Variants in ANKLE1 observed in about 807,000 individuals in gnomAD.
ANKLE1 encodes ankyrin repeat and LEM domain containing 1.
ANKLE1 carries 59 observed loss-of-function variants against 56.2 expected under a neutral mutation model. That is an observed-to-expected ratio of 1.05 (90% CI 0.85 to 1.30). The LOEUF (loss-of-function observed/expected upper bound fraction) is 1.30, where lower values mean the gene tolerates loss of function less well. Among genes scored for constraint, ANKLE1 ranks in the 50% most tolerant of loss-of-function variants. The pLI is 0.00. For missense variants in ANKLE1, 771 were observed against 816.1 expected (o/e 0.94, Z 0.67); for synonymous variants, 341 against 352.9 (o/e 0.97, Z 0.38).
rs1253559311 is a variant in ANKLE1, at chr19:17,282,745, C to T, written c.305C>T (p.Pro102Leu). Reference sequence around the variant, plus strand: ...CTGCTGCTGAGCCAAGGAGCGGACCCGGCGCTGCGCGACCAGGTTGGGAGG... The same window carrying T: ...CTGCTGCTGAGCCAAGGAGCGGACCTGGCGCTGCGCGACCAGGTTGGGAGG... ...LELLLSQGADPALRDQDGLRP... is the reference protein window; with the variant it reads ...LELLLSQGADLALRDQDGLRP... Residue 102 changes from proline to leucine, a missense_variant, in exon 3 of 9, where the codon CCG (proline) becomes CTG (leucine). Transcript: ENST00000404085. The T allele has an allele frequency of 3.9e-6, 6 of 1,543,874 alleles. No individual in the cohort carries two copies. Among genetic ancestry groups the T allele is most frequent in the Admixed American group, 1.9e-5 (1 of 51,436 alleles).
At chr19:17,282,327 T>G in intron 2 of ANKLE1, 118 bp downstream of exon 2, 1 of 1,341,576 alleles carries the variant, frequency 7.5e-7, no homozygotes, top group Non-Finnish European at 9.9e-7. Flanking sequence ...GTTTAGGGGA[T>G]CTTGGGGAGG....
intron 6 of ANKLE1, 81 bp from the exon 7 acceptor site, chr19:17,285,350 A>C: frequency 1.3e-6 from 2 of 1,550,314 alleles, no homozygotes; most frequent in African/African-American, 1.4e-5. Context: ...ACATGGGTTC[A>C]AGATATGTTG....
In ANKLE1 at chr19:17,283,800, G is replaced by C. The variant is rs1406763794; in HGVS notation, c.1036G>C (p.Gly346Arg). Residue 346 changes from glycine to arginine, a missense_variant, in exon 5 of 9, where the codon GGC becomes CGC. Physicochemically the swap from Gly to Arg is moderately radical, Grantham distance 125. Coordinates refer to ENST00000404085, the MANE Select transcript of ANKLE1 (RefSeq NM_152363.6). ...LTEDEASSTG[G>R]REPVGPCRHL... is the part of the protein sequence containing the mutation. Reference sequence around the variant, plus strand: ...AGAGGATGAGGCAAGCTCTACAGGTGGCAGGGAACCTGTCGGCCCTTGCCG... The same window carrying C: ...AGAGGATGAGGCAAGCTCTACAGGTCGCAGGGAACCTGTCGGCCCTTGCCG... 1 of 1,613,410 alleles carries C rather than the reference G, an allele frequency of 6.2e-7. No individual in the cohort carries two copies. The highest frequency in any genetic ancestry group is 8.5e-7 in the Non-Finnish European group (1 of 1,179,906).
chr19:17,286,462 G>A lies in ANKLE1; in HGVS notation c.1758G>A (p.Leu586=). 1 of 1,612,480 alleles carries A rather than the reference G, an allele frequency of 6.2e-7. No individual in the cohort carries two copies. The highest frequency in any genetic ancestry group is 8.5e-7 in the Non-Finnish European group (1 of 1,179,618). Reference sequence around the variant, plus strand: ...GGCCACCTGCTCGTCGCCGGCGCTTGGGGGTGCACCTGCTGCACCGTGCCC... The same window carrying A: ...GGCCACCTGCTCGTCGCCGGCGCTTAGGGGTGCACCTGCTGCACCGTGCCC... ...AGWPPARRRR[L]GVHLLHRALL... The change falls in exon 9 of 9, where the codon TTG becomes TTA. Residue 586 remains leucine (L), a synonymous_variant. Transcript: ENST00000404085.
rs1008823679 is a variant in ANKLE1 at position 17,286,868 on chromosome 19, G to C, written c.*316G>C. The C allele has an allele frequency of 4.4e-6, 5 of 1,127,362 alleles. No homozygotes were observed. The highest frequency in any genetic ancestry group is 4.4e-6 in the Non-Finnish European group (4 of 905,930). 69.8% of individuals were successfully genotyped at this position (1,127,362 alleles called of 1,614,324 possible). A position where few individuals can be genotyped will look rare whatever the true frequency, so the allele number is the denominator to read the frequency against. On this transcript the variant is annotated 3_prime_UTR_variant, in exon 9 of 9. Transcript: ENST00000404085. ...GGAACAGTCCGGTGCTTCTGTAAGAGGCGTTTGAACCTGGGCAACTCCACC... is the reference window on the plus strand; with the variant it reads ...GGAACAGTCCGGTGCTTCTGTAAGACGCGTTTGAACCTGGGCAACTCCACC...
chr19:17,286,062 G>A (rs1316282269), intron 8 of ANKLE1, among the ~76,000 whole-genome samples: 1 of 152,142 alleles, frequency 6.6e-6, no homozygotes, highest in Non-Finnish European at 1.5e-5. Context: ...AGGCTGGAGT[G>A]TGGTGGCGTG....
At chr19:17,284,557 T>C (rs1016429497) in intron 6 of ANKLE1, among the ~76,000 whole-genome samples, 12 of 152,034 alleles carry the variant, frequency 7.9e-5, no homozygotes, top group African/African-American at 2.9e-4. Flanking sequence ...CTAATTTTTG[T>C]ATTTTTAGTA....
rs1339599239 is a variant in ANKLE1 at position 17,283,842 on chromosome 19, A to G, written c.1078A>G (p.Thr360Ala). The G allele has an allele frequency of 1.2e-6, 2 of 1,613,690 alleles. No homozygotes were observed. Among genetic ancestry groups the G allele is most frequent in the South Asian group, 2.2e-5 (2 of 91,078 alleles). The change falls in exon 5 of 9, where the codon ACT becomes GCT. Residue 360 changes from threonine to alanine, a missense_variant. Thr to Ala is a moderately conservative substitution (Grantham distance 58). Transcript: ENST00000404085. ...CCCTTGCCGGCACCTGCCAGTCTCC[A>G]CTGTGTCTGACTTGGAGTTGCTGAA... ...VGPCRHLPVS[T>A]VSDLELLKGL...
rs2074037172 is a variant in ANKLE1 at position 17,286,672 on chromosome 19, G to GTGTGTT, written c.*125_*126insTTGTGT. The GTGTGTT allele has an allele frequency of 2.4e-6, 3 of 1,229,364 alleles. No homozygotes were observed. The highest frequency in any genetic ancestry group is 2.2e-6 in the Non-Finnish European group (2 of 920,088). The allele number at this position is 1,229,364 out of a possible 1,614,324, so 76.2% of individuals were successfully genotyped here. ...GGTGTGTGTGTGTGTGTGTGTGTGTGTGTGTGTGTGTGTGTGTGTTTGTGT... is the reference window on the plus strand; with the variant it reads ...GGTGTGTGTGTGTGTGTGTGTGTGTGTGTGTTTGTGTGTGTGTGTGTGTGTTTGTGT... On this transcript the variant is annotated 3_prime_UTR_variant, in exon 9 of 9. Transcript: ENST00000404085.
rs758109052 is a variant in ANKLE1 at position 17,286,688 on chromosome 19, GTGTT to G, written c.*140_*143del. On this transcript the variant is annotated 3_prime_UTR_variant, in exon 9 of 9. Coordinates refer to ENST00000404085, the MANE Select transcript of ANKLE1 (RefSeq NM_152363.6). ...TGTGTGTGTGTGTGTGTGTGTGTGT[GTGTT>G]TGTGTGTGTGTGTGTGTGTGTAGGG... is the stretch of plus-strand genomic sequence containing the variant. 156,281 of 902,542 alleles carry G rather than the reference GTGTT, an allele frequency of 0.17. 3,277 individuals are homozygous for G. The highest frequency in any genetic ancestry group is 0.23 in the African/African-American group (7,933 of 35,186). The allele number at this position is 902,542 out of a possible 1,614,324, so 55.9% of individuals were successfully genotyped here.
intron 2 of ANKLE1, 52 bp from the exon 3 acceptor site, chr19:17,282,604 T>A: frequency 5.3e-6 from 8 of 1,497,554 alleles, no homozygotes; most frequent in Non-Finnish European, 6.3e-6. Context: ...GAGATCGGGG[T>A]TCCTGCCGGG....
chr19:17,285,066 C>A (rs112796002), intron 6 of ANKLE1, among the ~76,000 whole-genome samples: 11,997 of 151,836 alleles, frequency 0.079, 559 homozygotes, highest in Non-Finnish European at 0.11. Context: ...TAGAGACCAG[C>A]GTGTTCAACG....
At position 17,286,684 on chromosome 19, in the gene ANKLE1, G is replaced by GTT; in HGVS notation, c.*133_*134insTT. The GTT allele has an allele frequency of 2.9e-6, 3 of 1,019,910 alleles. No homozygotes were observed. Among genetic ancestry groups the GTT allele is most frequent in the African/African-American group, 2.4e-5 (1 of 42,522 alleles). The allele number at this position is 1,019,910 out of a possible 1,614,324, so 63.2% of individuals were successfully genotyped here. Reference sequence around the variant, plus strand: ...TGTGTGTGTGTGTGTGTGTGTGTGTGTGTGTGTTTGTGTGTGTGTGTGTGT... The same window carrying GTT: ...TGTGTGTGTGTGTGTGTGTGTGTGTGTTTGTGTGTTTGTGTGTGTGTGTGTGT... On this transcript the variant is annotated 3_prime_UTR_variant, in exon 9 of 9. Coordinates refer to ENST00000404085, the MANE Select transcript of ANKLE1 (RefSeq NM_152363.6).
rs1438874081 is a variant in ANKLE1 at position 17,283,478 on chromosome 19, C to T, written c.714C>T (p.Pro238=). Residue 238 remains proline, a synonymous_variant, in exon 5 of 9, where the codon CCC becomes CCT. Transcript: ENST00000404085. ...CTGAGGACCCAGCCTCGGACACTCCCCCCTGGGCTGGGTCATTGCCACCGA... is the reference window on the plus strand; with the variant it reads ...CTGAGGACCCAGCCTCGGACACTCCTCCCTGGGCTGGGTCATTGCCACCGA... ...SGAEDPASDT[P]PWAGSLPPTR... is the part of the protein sequence containing the mutation. The T allele has an allele frequency of 7.4e-6, 12 of 1,613,064 alleles. No homozygotes were observed. The highest frequency in any genetic ancestry group is 1.1e-5 in the South Asian group (1 of 91,080).
At position 17,283,018 on chromosome 19, in the gene ANKLE1, A is replaced by C; in HGVS notation, c.460+16A>C. 6.4e-7 allele frequency: 1 copy of C among 1,553,858 alleles called. No individual in the cohort carries two copies. Reference sequence around the variant, plus strand: ...GCACCTGGCAGTGAGTAGGGCCTGCAGGGCTGCTGGGGCTTGACTTCTGGA... The same window carrying C: ...GCACCTGGCAGTGAGTAGGGCCTGCCGGGCTGCTGGGGCTTGACTTCTGGA... On this transcript the variant is annotated intron_variant, in intron 4 of 8. Transcript: ENST00000404085.
At chr19:17,282,511 C>A in intron 2 of ANKLE1, 145 bp from the exon 3 acceptor site, 2 of 936,476 alleles carry the variant, frequency 2.1e-6, no homozygotes, top group Non-Finnish European at 3.3e-6. Context: ...GAGGTCATAG[C>A]ATCTAGGTTC....
chr19:17,282,680 G>T lies in ANKLE1; in HGVS notation c.240G>T (p.Leu80=). ...GATCTGTCGAGGCACTGACGCCGCT[G>T]CATGTGGCCGCCGCGTGGGGCTGCC... ...NARSVEALTP[L]HVAAAWGCRR... Residue 80 remains leucine, a synonymous_variant, in exon 3 of 9, where the codon CTG becomes CTT. Coordinates refer to ENST00000404085, the MANE Select transcript of ANKLE1 (RefSeq NM_152363.6). The T allele has an allele frequency of 6.5e-7, 1 of 1,535,100 alleles. No individual in the cohort carries two copies. Among genetic ancestry groups the T allele is most frequent in the Non-Finnish European group, 8.7e-7 (1 of 1,146,822 alleles).
rs748655282 is a variant in ANKLE1 at position 17,283,175 on chromosome 19, G to A, written c.461-50G>A. ...TTTTCTGTTTGATCCTATTCTCATCGCTGTCTCATCCCTCCTCCTCTCCTC... is the reference window on the plus strand; with the variant it reads ...TTTTCTGTTTGATCCTATTCTCATCACTGTCTCATCCCTCCTCCTCTCCTC... On this transcript the variant is annotated intron_variant, in intron 4 of 8. Coordinates refer to ENST00000404085, the MANE Select transcript of ANKLE1 (RefSeq NM_152363.6). 1.5e-5 allele frequency: 23 copies of A among 1,570,428 alleles called. No individual in the cohort carries two copies. In the Admixed American group the frequency reaches 2.9e-4, roughly 20 times the overall value.
Position 17,285,434 on chromosome 19 carries a change from G to A in ANKLE1, c.1380G>A (p.Glu460=). The A allele has an allele frequency of 6.2e-7, 1 of 1,613,692 alleles. No individual in the cohort carries two copies. The highest frequency in any genetic ancestry group is 2.2e-5 in the East Asian group (1 of 44,858). ...CTGAGCTATCCCCTTCATCCAGGGA[G>A]ACTCAGGACCTGCCAGCCCGAGCCT... The part of the protein sequence containing the change: ...SFTYLLLDPR[E]TQDLPARAFS... The change falls in exon 7 of 9, where the codon GAG becomes GAA. Residue 460 remains glutamate, a synonymous_variant. Coordinates refer to ENST00000404085, the MANE Select transcript of ANKLE1 (RefSeq NM_152363.6).
Sources: gnomAD v4.1 joint callset for allele counts (sites outside exome capture counted in the v4.1 genomes callset) on GRCh38, gnomAD v4.1.1 for gene constraint, MANE v1.5 for transcripts, NCBI Gene and HGNC (gene_info 2026-07-23, HGNC 2026-07-21) for gene names.